Variants in PDE4D observed in about 807,000 individuals in gnomAD.
PDE4D encodes 3',5'-cyclic-AMP phosphodiesterase 4D.
Under a neutral mutation model 87.4 loss-of-function variants are expected in PDE4D, and 24 were observed. The observed-to-expected ratio is 0.27, with a 90% CI of 0.20 to 0.39. The LOEUF (loss-of-function observed/expected upper bound fraction) is 0.39. PDE4D is among the 10% of genes least tolerant of loss of function. The probability of loss-of-function intolerance (pLI) is 1.00; values close to 1 mark genes in which losing one functional copy is unlikely to be tolerated. For missense variants in PDE4D, 714 were observed against 1,041.0 expected (o/e 0.69, Z 4.32); for synonymous variants, 384 against 383.2 (o/e 1.00, Z -0.02).
intron 5 of PDE4D, among the ~76,000 whole-genome samples, chr5:59,040,690 C>T (rs1337811504): frequency 6.6e-6 from 1 of 152,202 alleles, no homozygotes; most frequent in Non-Finnish European, 1.5e-5. Flanking sequence ...AGAAGTCAAA[C>T]TCCCAAGGGT....
intron 1 of PDE4D, among the ~76,000 whole-genome samples, chr5:60,375,501 A>G (rs1359274163): frequency 6.6e-6 from 1 of 152,232 alleles, no homozygotes; most frequent in African/African-American, 2.4e-5. Flanking sequence ...ACAGTTAGTA[A>G]CAGATATCAT....
chr5:59,483,449 T>C (rs1804596238), intron 1 of PDE4D, among the ~76,000 whole-genome samples: 2 of 152,140 alleles, frequency 1.3e-5, no homozygotes, highest in Admixed American at 6.6e-5. Context: ...GCCTTTAAAA[T>C]CCTCTACAGT....
intron 1 of PDE4D, among the ~76,000 whole-genome samples, chr5:59,568,095 A>G (rs1821242660): frequency 6.6e-6 from 1 of 152,202 alleles, no homozygotes; most frequent in Admixed American, 6.5e-5. Context: ...ATGATGAGGA[A>G]GGAGTTATAT....
intron 1 of PDE4D, among the ~76,000 whole-genome samples, chr5:60,201,716 T>G (rs757103166): frequency 1.3e-5 from 2 of 152,148 alleles, no homozygotes; most frequent in Non-Finnish European, 2.9e-5. Flanking sequence ...TAAGACCTCA[T>G]ATAAATAAAT....
intron 1 of PDE4D, among the ~76,000 whole-genome samples, chr5:59,724,957 T>A (rs2150574705): frequency 6.6e-6 from 1 of 152,294 alleles, no homozygotes; most frequent in Non-Finnish European, 1.5e-5. Context: ...TCATTTATTT[T>A]GTCACACAGG....
rs1199111203 is a variant in PDE4D, at chr5:59,796,119, C to T, written c.455+97049G>A. 2.0e-5 allele frequency among the ~76,000 whole-genome samples: 3 copies of T among 152,092 alleles called. No homozygotes were observed. The East Asian group carries it at 5.8e-4, about 29-fold the overall frequency. Reference sequence around the variant, plus strand: ...AGGTTGTGATACTTCCTTACAGCAGCCCTAGGAAATGAATACAGCTGGGGA... The same window carrying T: ...AGGTTGTGATACTTCCTTACAGCAGTCCTAGGAAATGAATACAGCTGGGGA... On this transcript the variant is annotated intron_variant, in intron 1 of 14. Transcript: ENST00000340635.
chr5:59,592,015 A>G, intron 1 of PDE4D: 1 of 291,836 alleles, frequency 3.4e-6, no homozygotes, highest in Non-Finnish European at 5.1e-6. Context: ...TTTATTGCAT[A>G]TATCATCAAC....
intron 1 of PDE4D, among the ~76,000 whole-genome samples, chr5:60,225,130 C>A (rs1289126911): frequency 6.6e-6 from 1 of 151,946 alleles, no homozygotes; most frequent in Non-Finnish European, 1.5e-5. Flanking sequence ...CTCGGTTTTG[C>A]AGTGGGGTGC....
chr5:59,407,900 C>G (rs78270691), intron 1 of PDE4D, among the ~76,000 whole-genome samples: 2,262 of 152,202 alleles, frequency 0.015, 60 homozygotes, highest in African/African-American at 0.052. Context: ...AAAGAAATAA[C>G]CTAAACTTGG....
At chr5:59,610,749 G>A (rs796197725) in intron 1 of PDE4D, among the ~76,000 whole-genome samples, 2 of 152,250 alleles carry the variant, frequency 1.3e-5, no homozygotes, top group African/African-American at 4.8e-5. Context: ...ATAAGTAAAC[G>A]AGGGGGAAAA....
intron 1 of PDE4D, among the ~76,000 whole-genome samples, chr5:59,365,468 A>AAAAC (rs550620036): frequency 2.6e-5 from 4 of 152,300 alleles, no homozygotes; most frequent in Admixed American, 2.0e-4. Context: ...CCTATCTCTA[A>AAAAC]AAACAAACAA....
chr5:59,002,203 C>T (rs1230436871), intron 6 of PDE4D: 2 of 339,976 alleles, frequency 5.9e-6, no homozygotes, highest in Non-Finnish European at 5.7e-6. Flanking sequence ...CCCAGGTTCA[C>T]TCTGGTACTG....
At chr5:59,894,427 T>TTAA (rs1190794992), upstream of PDE4D, among the ~76,000 whole-genome samples, 2 of 152,084 alleles carry the variant, frequency 1.3e-5, no homozygotes, top group Non-Finnish European at 2.9e-5. Flanking sequence ...AATAGTAAGA[T>TTAA]TAATTCAGTC....
intron 2 of PDE4D, among the ~76,000 whole-genome samples, chr5:60,117,211 G>C (rs942834020): frequency 6.6e-6 from 1 of 151,724 alleles, no homozygotes; most frequent in African/African-American, 2.4e-5. Context: ...CCAAACAAAG[G>C]AATGGTTCTA....
chr5:59,225,502 G>A (rs1753567362), intron 1 of PDE4D, among the ~76,000 whole-genome samples: 1 of 152,074 alleles, frequency 6.6e-6, no homozygotes, highest in South Asian at 2.1e-4. Context: ...GGTTTCTTAT[G>A]AAGACTGCTT....
chr5:60,048,382 T>C (rs1334045070), intron 2 of PDE4D, among the ~76,000 whole-genome samples: 1 of 152,142 alleles, frequency 6.6e-6, no homozygotes, highest in Non-Finnish European at 1.5e-5. Flanking sequence ...GTTAATATTG[T>C]TATGTGTGAA....
intron 6 of PDE4D, among the ~76,000 whole-genome samples, chr5:59,032,510 C>T (rs751035850): frequency 2.1e-4 from 32 of 152,062 alleles, no homozygotes; most frequent in Non-Finnish European, 3.5e-4. Flanking sequence ...ACTTGGGAGG[C>T]GGAGGTTGCA....
intron 2 of PDE4D, among the ~76,000 whole-genome samples, chr5:59,208,376 C>T (rs889132062): frequency 6.6e-6 from 1 of 152,274 alleles, no homozygotes; most frequent in South Asian, 2.1e-4. Flanking sequence ...TTATAACTAA[C>T]ATTTATCCCT....
At chr5:59,965,073 C>T (rs183361946) in intron 3 of PDE4D, among the ~76,000 whole-genome samples, 304 of 152,314 alleles carry the variant, frequency 2.0e-3, no homozygotes, top group Non-Finnish European at 2.6e-3. Context: ...ATATACTCTA[C>T]GTTCTCTTAT....
Sources: gnomAD v4.1 joint callset for allele counts (sites outside exome capture counted in the v4.1 genomes callset) on GRCh38, gnomAD v4.1.1 for gene constraint, MANE v1.5 for transcripts, NCBI Gene and HGNC (gene_info 2026-07-23, HGNC 2026-07-21) for gene names.